The following MARK1 variants were observed in gnomAD, a reference collection of about 807,000 sequenced individuals.
MARK1 encodes microtubule affinity regulating kinase 1, also known as serine/threonine-protein kinase MARK1.
A neutral mutation model predicts 96.3 loss-of-function variants in MARK1; 40 were observed. The observed-to-expected ratio is 0.42, with a 90% CI of 0.32 to 0.54. MARK1 has a LOEUF of 0.54. MARK1 is among the 20% of genes least tolerant of loss of function. The pLI, the probability that MARK1 is intolerant of heterozygous loss-of-function variation, is 0.16. For synonymous variants in MARK1, 317 were observed against 341.2 expected, an observed-to-expected ratio of 0.93 and a Z score of 0.78; for missense variants, 719 against 984.6, an observed-to-expected ratio of 0.73 and a Z score of 3.61.
chr1:220,626,421 A>G, intron 9 of MARK1: 1 of 545,898 alleles, frequency 1.8e-6, no homozygotes, highest in Non-Finnish European at 3.7e-6. Context: ...ACCTGCTCCG[A>G]GATGGGATTG....
intron 11 of MARK1, 34 bp downstream of exon 11, chr1:220,632,347 T>C (rs772284948): frequency 5.1e-6 from 5 of 978,852 alleles, no homozygotes; most frequent in Non-Finnish European, 7.7e-6. Context: ...TACTGTGAAT[T>C]ATTTCTTGAG....
chr1:220,650,687 G>C lies in MARK1; in HGVS notation c.1538G>C (p.Arg513Pro). 1 of 1,613,660 alleles carries C rather than the reference G, an allele frequency of 6.2e-7. No homozygotes were observed. The highest frequency in any genetic ancestry group is 1.1e-5 in the South Asian group (1 of 91,052). ...NTYVCERTTD[R>P]YVALQNGKDS... ...TATGTCTGTGAAAGGACCACAGATC[G>C]ATACGTAGCATTGCAGAATGGAAAA... is the stretch of plus-strand genomic sequence containing the variant. Residue 513 changes from arginine (R) to proline (P), a missense_variant, in exon 14 of 18, where the codon CGA becomes CCA. Around this residue, in one of 4 missense-constraint regions of MARK1, gnomAD observed 501 missense variants for 588.3 expected, o/e 0.85. Transcript: ENST00000366917.
chr1:220,606,794 C>G (rs1326652023), intron 6 of MARK1, among the ~76,000 whole-genome samples: 4 of 152,144 alleles, frequency 2.6e-5, no homozygotes, highest in African/African-American at 7.2e-5. Context: ...TTCCCCATTT[C>G]TTGTTTTTGT....
rs114187841 is a variant in MARK1 at position 220,574,102 on chromosome 1, T to C, written c.52-5252T>C. Among the ~76,000 whole-genome samples the C allele has an allele frequency of 4.9e-3, 739 of 152,306 alleles. 6 individuals carry two copies. The highest frequency in any genetic ancestry group is 0.017 in the African/African-American group (704 of 41,574). On this transcript the variant is annotated intron_variant, in intron 1 of 17. Transcript: ENST00000366917. The stretch of plus-strand genomic sequence containing the variant: ...TTGACAGTGAATCATATCTGTCTGT[T>C]CCTTCATGTGTCTAGTAAGTTTTAT...
In MARK1 at chr1:220,532,754, C is replaced by G. The variant is rs568462870; in HGVS notation, c.51+3881C>G. Among the ~76,000 whole-genome samples the G allele has an allele frequency of 2.0e-5, 3 of 151,954 alleles. No individual in the cohort carries two copies. In the East Asian group the frequency reaches 5.8e-4, roughly 29 times the overall value. On this transcript the variant is annotated intron_variant, in intron 1 of 17. Transcript: ENST00000366917. The stretch of plus-strand genomic sequence containing the variant: ...AGAAGAGTGGCTCATGCCTCTAATC[C>G]CAGCACTTTGTGGGGCCGGGGTGGG...
At chr1:220,598,826 A>G (rs188719794) in intron 4 of MARK1, among the ~76,000 whole-genome samples, 1 of 152,122 alleles carries the variant, frequency 6.6e-6, no homozygotes, top group African/African-American at 2.4e-5. Flanking sequence ...AAAAAATACA[A>G]AAATTAGCCA....
At chr1:220,552,731 T>C (rs779297206) in intron 1 of MARK1, among the ~76,000 whole-genome samples, 2 of 152,206 alleles carry the variant, frequency 1.3e-5, no homozygotes, top group East Asian at 1.9e-4. Context: ...TACATGTCTG[T>C]AGCAAGTATC....
At chr1:220,548,011 A>G (rs1301830729) in intron 1 of MARK1, among the ~76,000 whole-genome samples, 5 of 152,280 alleles carry the variant, frequency 3.3e-5, no homozygotes, top group African/African-American at 1.2e-4. Context: ...TAAAAACAGC[A>G]AGAGTATGTC....
chr1:220,586,017 G>A (rs1315372579), intron 3 of MARK1, among the ~76,000 whole-genome samples: 2 of 116,216 alleles, frequency 1.7e-5, no homozygotes, highest in African/African-American at 5.5e-5. Context: ...ACACACGCGC[G>A]CGTGCGCAGA....
chr1:220,630,518 A>G (rs1198201936), intron 9 of MARK1, among the ~76,000 whole-genome samples: 1 of 152,110 alleles, frequency 6.6e-6, no homozygotes, highest in Non-Finnish European at 1.5e-5. Context: ...TCCTAACTCT[A>G]GACTTAAATT....
intron 1 of MARK1, among the ~76,000 whole-genome samples, chr1:220,542,646 G>C (rs958710031): frequency 2.6e-5 from 4 of 152,130 alleles, no homozygotes; most frequent in South Asian, 2.1e-4. Flanking sequence ...CTTAGTATTT[G>C]ACTCCAGGGT....
intron 9 of MARK1, among the ~76,000 whole-genome samples, chr1:220,630,011 T>G (rs991331777): frequency 1.3e-5 from 2 of 152,204 alleles, no homozygotes; most frequent in African/African-American, 4.8e-5. Flanking sequence ...TTTAATTTTT[T>G]GAGGAACCTC....
chr1:220,559,838 CAG>C (rs1399753276), intron 1 of MARK1, among the ~76,000 whole-genome samples: 2 of 152,054 alleles, frequency 1.3e-5, no homozygotes, highest in East Asian at 1.9e-4. Context: ...TGTAAGAAGA[CAG>C]AGGAGGAAGA....
intron 13 of MARK1, among the ~76,000 whole-genome samples, chr1:220,647,876 A>G (rs1172807806): frequency 1.3e-5 from 2 of 152,242 alleles, no homozygotes; most frequent in East Asian, 3.9e-4. Context: ...GGAACAACAC[A>G]CACTGGGGCC....
intron 15 of MARK1, 139 bp from the exon 16 acceptor site, chr1:220,652,962 C>A: frequency 1.1e-6 from 1 of 909,018 alleles, no homozygotes; most frequent in Non-Finnish European, 1.6e-6. Context: ...TACTCCAAAC[C>A]CATGTCTCAC....
rs1558311295 is a variant in MARK1, at chr1:220,632,190, T to C, written c.1010-11T>C. Reference sequence around the variant, plus strand: ...CCATTTTCAGAAAATTTCTCTTTTTTAAATTTCTAGACATTATGGTCACCA... The same window carrying C: ...CCATTTTCAGAAAATTTCTCTTTTTCAAATTTCTAGACATTATGGTCACCA... On this transcript the variant is annotated splice_polypyrimidine_tract_variant and intron_variant, in intron 10 of 17. Coordinates refer to ENST00000366917, the MANE Select transcript of MARK1 (RefSeq NM_018650.5). The C allele has an allele frequency of 3.8e-6, 5 of 1,316,872 alleles. No homozygotes were observed. Among genetic ancestry groups the C allele is most frequent in the Non-Finnish European group, 5.1e-6 (5 of 988,082 alleles). 81.6% of individuals were successfully genotyped at this position (1,316,872 alleles called of 1,614,324 possible).
At chr1:220,597,680 CA>C (rs1665470659) in intron 3 of MARK1, among the ~76,000 whole-genome samples, 1 of 152,062 alleles carries the variant, frequency 6.6e-6, no homozygotes. Flanking sequence ...AACATATACT[CA>C]AAGACATAGA....
At chr1:220,548,327 C>G (rs1471184902) in intron 1 of MARK1, among the ~76,000 whole-genome samples, 1 of 152,092 alleles carries the variant, frequency 6.6e-6, no homozygotes, top group Non-Finnish European at 1.5e-5. Flanking sequence ...TGATTATTAG[C>G]TTATATTAGG....
chr1:220,558,959 AAATT>A (rs1173420177), intron 1 of MARK1, among the ~76,000 whole-genome samples: 2 of 152,210 alleles, frequency 1.3e-5, no homozygotes, highest in African/African-American at 4.8e-5. Flanking sequence ...AAGGAATTGA[AAATT>A]AATCAGCTAG....
Sources: gnomAD v4.1 joint callset for allele counts (sites outside exome capture counted in the v4.1 genomes callset) on GRCh38, gnomAD v4.1.1 for gene constraint, gnomAD v4.1.1 regional missense constraint, MANE v1.5 for transcripts, NCBI Gene and HGNC (gene_info 2026-07-23, HGNC 2026-07-21) for gene names.